Variants in VWC2L observed in about 807,000 individuals in gnomAD.
VWC2L encodes von Willebrand factor C domain containing 2 like, also known as von Willebrand factor C domain-containing protein 2-like.
Under a neutral mutation model 21.6 loss-of-function variants are expected in VWC2L, and 10 were observed. The observed-to-expected ratio is 0.46, with a 90% CI of 0.29 to 0.78. VWC2L has a LOEUF of 0.78. Ranked by LOEUF, VWC2L falls within the 30% of genes least tolerant of loss-of-function variation. VWC2L has a pLI of 0.10. For synonymous variants in VWC2L, 96 were observed against 94.3 expected (o/e 1.02, Z -0.10); for missense variants, 209 against 277.1 (o/e 0.75, Z 1.74).
At chr2:214,423,121 G>C (rs1051204269) in intron 2 of VWC2L, among the ~76,000 whole-genome samples, 2 of 151,832 alleles carry the variant, frequency 1.3e-5, no homozygotes, top group African/African-American at 2.4e-5. Context: ...AATAATTTTT[G>C]TTTTAGTATT....
intron 3 of VWC2L, among the ~76,000 whole-genome samples, chr2:214,563,942 CCA>C (rs1215001771): frequency 6.6e-6 from 1 of 152,062 alleles, no homozygotes; most frequent in Non-Finnish European, 1.5e-5. Flanking sequence ...TAAGAAAACC[CCA>C]CTGTCTCAGC....
chr2:214,493,289 A>T (rs945640205), intron 3 of VWC2L, among the ~76,000 whole-genome samples: 1 of 152,248 alleles, frequency 6.6e-6, no homozygotes, highest in African/African-American at 2.4e-5. Context: ...TATTATTTCT[A>T]TTAACACAGA....
intron 3 of VWC2L, among the ~76,000 whole-genome samples, chr2:214,490,076 T>G (rs919193099): frequency 6.6e-6 from 1 of 151,724 alleles, no homozygotes; most frequent in Non-Finnish European, 1.5e-5. Context: ...CTGAGTGGAG[T>G]TTTCAGAAGC....
At chr2:214,423,876 T>TA (rs1702478551) in intron 2 of VWC2L, among the ~76,000 whole-genome samples, 1 of 152,176 alleles carries the variant, frequency 6.6e-6, no homozygotes, top group African/African-American at 2.4e-5. Context: ...CTTTCTCATG[T>TA]ATTTTGATGG....
At chr2:214,568,998 G>A (rs996887511) in intron 3 of VWC2L, among the ~76,000 whole-genome samples, 1 of 151,958 alleles carries the variant, frequency 6.6e-6, no homozygotes, top group Admixed American at 6.6e-5. Context: ...TTTTTCTAGG[G>A]GCTTTTCCCT....
intron 3 of VWC2L, among the ~76,000 whole-genome samples, chr2:214,513,028 A>G (rs983664478): frequency 6.6e-6 from 1 of 152,120 alleles, no homozygotes; most frequent in Non-Finnish European, 1.5e-5. Context: ...TGAGTAGATA[A>G]AGGCTGCACA....
chr2:214,468,172 G>A (rs1254283956), intron 3 of VWC2L, among the ~76,000 whole-genome samples: 7 of 151,832 alleles, frequency 4.6e-5, no homozygotes, highest in African/African-American at 1.7e-4. Context: ...ACTCACCACC[G>A]CACCCGGCTA....
intron 3 of VWC2L, among the ~76,000 whole-genome samples, chr2:214,511,076 T>C (rs1689043930): frequency 6.6e-6 from 1 of 151,848 alleles, no homozygotes; most frequent in African/African-American, 2.4e-5. Flanking sequence ...CACTTGAGCT[T>C]AAGAGTCTGA....
intron 3 of VWC2L, among the ~76,000 whole-genome samples, chr2:214,553,183 C>T (rs1455488453): frequency 3.3e-5 from 5 of 152,148 alleles, no homozygotes; most frequent in Non-Finnish European, 7.3e-5. Context: ...TCTATCCCCA[C>T]CCCACAGAGC....
At chr2:214,514,558 G>A (rs760470062) in intron 3 of VWC2L, among the ~76,000 whole-genome samples, 14 of 152,026 alleles carry the variant, frequency 9.2e-5, no homozygotes, top group Non-Finnish European at 1.3e-4. Flanking sequence ...ATTCAGTTGC[G>A]AAGGGGCAAC....
At chr2:214,498,378 A>G (rs1206330765) in intron 3 of VWC2L, among the ~76,000 whole-genome samples, 14 of 152,144 alleles carry the variant, frequency 9.2e-5, no homozygotes, top group Admixed American at 8.5e-4. Flanking sequence ...TCTGTGGAGT[A>G]TCAGAGGCCT....
intron 3 of VWC2L, among the ~76,000 whole-genome samples, chr2:214,521,234 G>GATAA (rs72394017): frequency 0.019 from 2,606 of 140,476 alleles, 48 homozygotes; most frequent in African/African-American, 0.042. Context: ...CCATCTCAAA[G>GATAA]ATAAATAAAT....
chr2:214,495,875 A>G (rs1688804812), intron 3 of VWC2L, among the ~76,000 whole-genome samples: 1 of 152,182 alleles, frequency 6.6e-6, no homozygotes, highest in Non-Finnish European at 1.5e-5. Context: ...TATAGGAAAT[A>G]ATATTTCAAA....
intron 3 of VWC2L, among the ~76,000 whole-genome samples, chr2:214,551,107 TAAAAGA>T (rs903435684): frequency 3.3e-5 from 5 of 152,126 alleles, no homozygotes; most frequent in African/African-American, 1.2e-4. Context: ...AACTATGTTT[TAAAAGA>T]AAAAGATAGT....
At chr2:214,546,345 C>T (rs571820700) in intron 3 of VWC2L, among the ~76,000 whole-genome samples, 3 of 152,178 alleles carry the variant, frequency 2.0e-5, no homozygotes, top group African/African-American at 7.2e-5. Flanking sequence ...GCCAAATGCT[C>T]CCTAGATCTT....
At chr2:214,467,211 G>A (rs1346433245) in intron 3 of VWC2L, among the ~76,000 whole-genome samples, 1 of 152,154 alleles carries the variant, frequency 6.6e-6, no homozygotes, top group African/African-American at 2.4e-5. Flanking sequence ...TAGCTAGCTG[G>A]AACAGTCACT....
chr2:214,414,741 C>A, intron 2 of VWC2L, 158 bp downstream of exon 2: 3 of 760,610 alleles, frequency 3.9e-6, no homozygotes, highest in Non-Finnish European at 4.0e-6. Flanking sequence ...CCATGGTCAA[C>A]AAATGGCCAA....
At chr2:214,446,535 C>A (rs1702840145) in intron 3 of VWC2L, among the ~76,000 whole-genome samples, 1 of 152,142 alleles carries the variant, frequency 6.6e-6, no homozygotes, top group Admixed American at 6.6e-5. Context: ...ATGCCATGTT[C>A]ATTTCCTGCT....
At chr2:214,436,821 T>G in intron 3 of VWC2L, 63 bp downstream of exon 3, 1 of 1,589,720 alleles carries the variant, frequency 6.3e-7, no homozygotes, top group Non-Finnish European at 8.6e-7. Context: ...ATTTCACTAC[T>G]GCATACCATT....
Sources: gnomAD v4.1 joint callset for allele counts (sites outside exome capture counted in the v4.1 genomes callset) on GRCh38, gnomAD v4.1.1 for gene constraint, MANE v1.5 for transcripts, NCBI Gene and HGNC (gene_info 2026-07-23, HGNC 2026-07-21) for gene names.